TOP1: variants seen among roughly 807,000 people sequenced by gnomAD.
TOP1 encodes DNA topoisomerase I.
In TOP1, 10 loss-of-function variants were observed where a neutral mutation model predicts 111.1. The observed-to-expected ratio is 0.09, with a 90% CI of 0.06 to 0.15. The LOEUF is 0.15. Among genes scored for constraint, TOP1 ranks in the 10% least tolerant of loss-of-function variants. The pLI is 1.00. For synonymous variants in TOP1, 271 were observed against 302.9 expected, an observed-to-expected ratio of 0.89 and a Z score of 1.10; for missense variants, 474 against 926.7, an observed-to-expected ratio of 0.51 and a Z score of 6.34.
chr20:41,085,506 A>C (rs2033837498), intron 8 of TOP1, among the ~76,000 whole-genome samples: 1 of 152,274 alleles, frequency 6.6e-6, no homozygotes, highest in African/African-American at 2.4e-5. Context: ...TGTTTTTAAA[A>C]AATACTTATT....
chr20:41,081,049 A>G, intron 6 of TOP1, 116 bp from the exon 7 acceptor site: 1 of 873,480 alleles, frequency 1.1e-6, no homozygotes, highest in Non-Finnish European at 1.7e-6. Flanking sequence ...ATGCCCAGCC[A>G]AGAATAACAG....
At position 41,122,288 on chromosome 20, in the gene TOP1, A is replaced by G; in HGVS notation, c.2195+133A>G. 4.4e-6 allele frequency: 4 copies of G among 918,962 alleles called. No individual in the cohort carries two copies. Among genetic ancestry groups the G allele is most frequent in the South Asian group, 1.6e-5 (1 of 61,292 alleles). 56.9% of individuals were successfully genotyped at this position (918,962 alleles called of 1,614,324 possible). A position where few individuals can be genotyped will look rare whatever the true frequency, so the allele number is the denominator to read the frequency against. ...GTCCTCTGGGGAAACTTCTGGCTTC[A>G]GCTGTGTACAAGTTACTCTGGTTGC... On this transcript the variant is annotated intron_variant, in intron 20 of 20. Transcript: ENST00000361337. The surrounding 1 kb of genome is among the most constrained non-coding windows in gnomAD (Gnocchi z 5.4).
chr20:41,039,918 A>G (rs1386721245), intron 2 of TOP1, among the ~76,000 whole-genome samples: 2 of 152,168 alleles, frequency 1.3e-5, no homozygotes, highest in Admixed American at 6.5e-5. Flanking sequence ...AAAAAAAAAG[A>G]AAAATAGTTT....
chr20:41,039,752 CA>C (rs1341880084), intron 2 of TOP1, among the ~76,000 whole-genome samples: 1 of 151,900 alleles, frequency 6.6e-6, no homozygotes, highest in African/African-American at 2.4e-5. Context: ...ACTAAAAATA[CA>C]AAAAACTAGC....
chr20:41,068,710 C>A (rs2033636756), intron 3 of TOP1, among the ~76,000 whole-genome samples: 1 of 152,108 alleles, frequency 6.6e-6, no homozygotes. Context: ...TTAAAAAATA[C>A]ATAAATAATC....
intron 13 of TOP1, among the ~76,000 whole-genome samples, chr20:41,108,581 CTCAT>C (rs2034184815): frequency 6.6e-6 from 1 of 152,158 alleles, no homozygotes; most frequent in Admixed American, 6.5e-5. Flanking sequence ...TTGTCCTGAA[CTCAT>C]TCATATCTTT....
At chr20:41,089,020 C>CTTTTTTT (rs59200685) in intron 8 of TOP1, among the ~76,000 whole-genome samples, 7,055 of 77,670 alleles carry the variant, frequency 0.091, 1,492 homozygotes, top group African/African-American at 0.21. Context: ...TGCCCCAGTT[C>CTTTTTTT]TTTTTTTTTT....
intron 14 of TOP1, 144 bp from the exon 15 acceptor site, chr20:41,113,826 T>A (rs1306783383): frequency 1.7e-6 from 1 of 572,368 alleles, no homozygotes; most frequent in Non-Finnish European, 2.9e-6. Context: ...GAGCTTGCAG[T>A]GAGCCAAAAT....
rs953521516 is a variant in TOP1 at position 41,083,987 on chromosome 20, A to G, written c.508-475A>G. 2.6e-5 allele frequency among the ~76,000 whole-genome samples: 4 copies of G among 152,188 alleles called. No homozygotes were observed. The highest frequency in any genetic ancestry group is 9.7e-5 in the African/African-American group (4 of 41,450). ...ACTGCATCATGACTTTGTGTATACA[A>G]GCAGCAGCGATAGTACTATACTCCA... On this transcript the variant is annotated intron_variant, in intron 7 of 20. Transcript: ENST00000361337. The surrounding 1 kb of genome is among the most constrained non-coding windows in gnomAD (Gnocchi z 7.2).
chr20:41,045,079 C>T (rs2033317319), intron 2 of TOP1, among the ~76,000 whole-genome samples: 1 of 152,180 alleles, frequency 6.6e-6, no homozygotes, highest in Non-Finnish European at 1.5e-5. Context: ...TGAGCCACTG[C>T]ACCTGGCCTA....
chr20:41,116,442 G>A lies in TOP1; in HGVS notation c.1822+50G>A, dbSNP rs754100125. 26 of 1,445,160 alleles carry A rather than the reference G, an allele frequency of 1.8e-5. No individual in the cohort carries two copies. The highest frequency in any genetic ancestry group is 1.3e-4 in the African/African-American group (9 of 71,424). 89.5% of individuals were successfully genotyped at this position (1,445,160 alleles called of 1,614,324 possible). ...GCCCACACCCCTACTAATGGTATCCGGTGACCTTGCTTATCTAAGGCCTAG... is the reference window on the plus strand; with the variant it reads ...GCCCACACCCCTACTAATGGTATCCAGTGACCTTGCTTATCTAAGGCCTAG... On this transcript the variant is annotated intron_variant, in intron 17 of 20. Coordinates refer to ENST00000361337, the MANE Select transcript of TOP1 (RefSeq NM_003286.4). This position sits in a 1 kb window ranked among gnomAD's most constrained non-coding sequence, Gnocchi z 5.6.
intron 2 of TOP1, among the ~76,000 whole-genome samples, chr20:41,052,797 C>T (rs1464575537): frequency 6.6e-6 from 1 of 152,104 alleles, no homozygotes; most frequent in African/African-American, 2.4e-5. Flanking sequence ...TCGAGACCAG[C>T]CTGGTAAACA....
rs982876013 is a variant in TOP1 at position 41,030,662 on chromosome 20, A to G, written c.58+1207A>G. On this transcript the variant is annotated intron_variant, in intron 2 of 20. Coordinates refer to ENST00000361337, the MANE Select transcript of TOP1 (RefSeq NM_003286.4). This position sits in a 1 kb window ranked among gnomAD's most constrained non-coding sequence, Gnocchi z 4.1. The stretch of plus-strand genomic sequence containing the variant: ...CTTCTGTAGTGTGCTGGGAATTCCC[A>G]CTGATTTTGATGGTACATAATCCTG... Among the ~76,000 whole-genome samples the G allele has an allele frequency of 2.0e-5, 3 of 152,170 alleles. No homozygotes were observed. The highest frequency in any genetic ancestry group is 4.4e-5 in the Non-Finnish European group (3 of 68,022).
intron 2 of TOP1, among the ~76,000 whole-genome samples, chr20:41,052,615 T>C (rs989638073): frequency 6.6e-6 from 1 of 152,226 alleles, no homozygotes; most frequent in Non-Finnish European, 1.5e-5. Context: ...TATTCCTGTA[T>C]ATTTTGTTTC....
intron 2 of TOP1, among the ~76,000 whole-genome samples, chr20:41,044,464 T>C (rs573890575): frequency 6.6e-6 from 1 of 152,364 alleles, no homozygotes; most frequent in East Asian, 1.9e-4. Flanking sequence ...TTTTGTCTTA[T>C]GCTTCGGCAG....
In TOP1 at chr20:41,067,748, A is replaced by C. The variant is rs2033624901; in HGVS notation, c.155+6258A>C. Among the ~76,000 whole-genome samples, 1 of 152,246 alleles carries C rather than the reference A, an allele frequency of 6.6e-6. No individual in the cohort carries two copies. Among genetic ancestry groups the C allele is most frequent in the Non-Finnish European group, 1.5e-5 (1 of 68,040 alleles). On this transcript the variant is annotated intron_variant, in intron 3 of 20. Transcript: ENST00000361337. The surrounding 1 kb of genome is among the most constrained non-coding windows in gnomAD (Gnocchi z 4.0). ...CAGGCTATACTTAGGACCCAAGCCC[A>C]GGAGGCATTTACTGTCCTGTGCAGT...
At position 41,124,002 on chromosome 20, in the gene TOP1, G is replaced by A. The variant is rs527529840; in HGVS notation, c.*705G>A. ...AACCTTTTTCTTGATCTTAAAGATC[G>A]TGTAGATTGGGGTTGGGGAGGGATG... On this transcript the variant is annotated 3_prime_UTR_variant, in exon 21 of 21. Transcript: ENST00000361337. This position sits in a 1 kb window ranked among gnomAD's most constrained non-coding sequence, Gnocchi z 5.4. 1.7e-5 allele frequency: 4 copies of A among 232,834 alleles called. No individual in the cohort carries two copies. The highest frequency in any genetic ancestry group is 6.1e-5 in the East Asian group (1 of 16,452). 14.4% of individuals were successfully genotyped at this position (232,834 alleles called of 1,614,324 possible).
chr20:41,068,205 C>T (rs1339953199), intron 3 of TOP1, among the ~76,000 whole-genome samples: 1 of 152,198 alleles, frequency 6.6e-6, no homozygotes, highest in African/African-American at 2.4e-5. Context: ...CTCTTTGTCC[C>T]CAAATCCCTG....
intron 18 of TOP1, among the ~76,000 whole-genome samples, chr20:41,119,801 A>G (rs947213840): frequency 6.6e-6 from 1 of 152,250 alleles, no homozygotes; most frequent in Non-Finnish European, 1.5e-5. Flanking sequence ...AAAGAACTCT[A>G]TAGACGGCCC....
Sources: allele counts gnomAD v4.1 joint callset (sites outside exome capture counted in the v4.1 genomes callset), GRCh38; gene constraint gnomAD v4.1.1; non-coding constraint Gnocchi (gnomAD v3.1); transcripts MANE v1.5; gene names NCBI Gene and HGNC (gene_info 2026-07-23, HGNC 2026-07-21).